Variants in MBD2 observed in about 807,000 individuals in gnomAD.
MBD2 encodes the protein methyl-CpG-binding domain protein 2.
MBD2 carries 9 observed loss-of-function variants against 39.3 expected under a neutral mutation model. That is an observed-to-expected ratio of 0.23 (90% CI 0.14 to 0.40). The LOEUF (loss-of-function observed/expected upper bound fraction) is 0.40, where lower values mean the gene tolerates loss of function less well. Ranked by LOEUF, MBD2 falls within the 10% of genes least tolerant of loss-of-function variation. The pLI is 1.00. For synonymous variants in MBD2, 233 were observed against 211.1 expected (o/e 1.10, Z -0.90); for missense variants, 458 against 532.6 (o/e 0.86, Z 1.38).
intron 1 of MBD2, among the ~76,000 whole-genome samples, chr18:54,206,910 C>T (rs1372483055): frequency 6.6e-6 from 1 of 152,170 alleles, no homozygotes; most frequent in Admixed American, 6.5e-5. Flanking sequence ...AAACTTGAAC[C>T]ATCTCTGCCC....
At position 54,154,313 on chromosome 18, in the gene MBD2, A is replaced by T. The variant is rs902284266; in HGVS notation, c.*1011T>A. Reference sequence around the variant, plus strand: ...CGAGTTTCAACAGAAAAAGAATGTTAATATTTTGGAGGCCAGGCCAGGTAC... The same window carrying T: ...CGAGTTTCAACAGAAAAAGAATGTTTATATTTTGGAGGCCAGGCCAGGTAC... On this transcript the variant is annotated 3_prime_UTR_variant, in exon 7 of 7. Transcript: ENST00000256429. 8 of 152,190 alleles carry T rather than the reference A, an allele frequency of 5.3e-5. No homozygotes were observed. Among genetic ancestry groups the T allele is most frequent in the African/African-American group, 1.9e-4 (8 of 41,454 alleles). The allele number at this position is 152,190 out of a possible 1,614,324, so 9.4% of individuals were successfully genotyped here.
At chr18:54,217,419 A>G (rs1259103514) in intron 1 of MBD2, among the ~76,000 whole-genome samples, 2 of 152,222 alleles carry the variant, frequency 1.3e-5, no homozygotes, top group African/African-American at 2.4e-5. Flanking sequence ...ACCATATTAC[A>G]AAATTTTCCT....
At chr18:54,201,532 T>G (rs1483170828) in intron 2 of MBD2, among the ~76,000 whole-genome samples, 1 of 152,102 alleles carries the variant, frequency 6.6e-6, no homozygotes, top group Admixed American at 6.6e-5. Context: ...CCACCCATCC[T>G]AAAATAATTA....
At chr18:54,182,116 C>T (rs1772989689) in intron 3 of MBD2, among the ~76,000 whole-genome samples, 1 of 151,710 alleles carries the variant, frequency 6.6e-6, no homozygotes, top group African/African-American at 2.4e-5. Flanking sequence ...CTGCAGTATC[C>T]CATTGTTTAG....
chr18:54,176,140 G>A (rs1263393728), intron 3 of MBD2, among the ~76,000 whole-genome samples: 5 of 152,186 alleles, frequency 3.3e-5, no homozygotes, highest in Admixed American at 2.0e-4. Context: ...CACAAAATTC[G>A]CACTCAGATG....
In MBD2 at chr18:54,168,231, ATT is replaced by A. The variant is rs2086150385; in HGVS notation, c.841-2067_841-2066del. Among the ~76,000 whole-genome samples, 3 of 151,812 alleles carry A rather than the reference ATT, an allele frequency of 2.0e-5. No individual in the cohort carries two copies. In the South Asian group the frequency reaches 6.2e-4, roughly 31 times the overall value. Reference sequence around the variant, plus strand: ...TTCCAATTCCAGATATTAAAAAATAATTTGTTTTATTCTATCATTTTTAATTC... The same window carrying A: ...TTCCAATTCCAGATATTAAAAAATAATGTTTTATTCTATCATTTTTAATTC... On this transcript the variant is annotated intron_variant, in intron 3 of 6. Transcript: ENST00000256429.
intron 3 of MBD2, among the ~76,000 whole-genome samples, chr18:54,181,190 C>G (rs2086249881): frequency 6.6e-6 from 1 of 152,118 alleles, no homozygotes; most frequent in Admixed American, 6.5e-5. Flanking sequence ...GCCACTGCAT[C>G]TAGCCTCATT....
rs2086117601 is a variant in MBD2 at position 54,164,606 on chromosome 18, A to G, written c.1026T>C (p.Ala342=). The G allele has an allele frequency of 6.2e-7, 1 of 1,614,094 alleles. No homozygotes were observed. The highest frequency in any genetic ancestry group is 1.3e-5 in the African/African-American group (1 of 74,926). Residue 342 remains alanine, a synonymous_variant, in exon 5 of 7, where the codon GCT becomes GCC. Coordinates refer to ENST00000256429, the MANE Select transcript of MBD2 (RefSeq NM_003927.5). ...SSAPITGQVS[A]AVEKNPAVWL... Reference sequence around the variant, plus strand: ...AAACAGCAGGGTTCTTTTCCACAGCAGCGGAGACTTGCCCTGTGATTGGCG... The same window carrying G: ...AAACAGCAGGGTTCTTTTCCACAGCGGCGGAGACTTGCCCTGTGATTGGCG...
intron 2 of MBD2, chr18:54,203,234 T>C: frequency 8.5e-7 from 1 of 1,170,550 alleles, no homozygotes; most frequent in Non-Finnish European, 1.2e-6. Context: ...AACAGTACAG[T>C]AATCTAAAAG....
intron 3 of MBD2, among the ~76,000 whole-genome samples, chr18:54,183,771 A>C (rs1411596229): frequency 6.6e-6 from 1 of 152,224 alleles, no homozygotes; most frequent in African/African-American, 2.4e-5. Flanking sequence ...TGAAGTGGAT[A>C]ATTTTTTTTA....
At chr18:54,203,017 C>A (rs768134297) in intron 2 of MBD2, 3 of 1,163,458 alleles carry the variant, frequency 2.6e-6, no homozygotes, top group Non-Finnish European at 1.3e-6. Flanking sequence ...GGGGTAAGCA[C>A]ATTCCAAGCA....
chr18:54,167,795 G>T (rs1038956323), intron 3 of MBD2, among the ~76,000 whole-genome samples: 6 of 152,058 alleles, frequency 3.9e-5, no homozygotes, highest in Admixed American at 6.5e-5. Flanking sequence ...ACAATATGAG[G>T]ATATAAATAT....
chr18:54,164,908 G>A (rs896923005), intron 4 of MBD2, among the ~76,000 whole-genome samples: 2 of 152,168 alleles, frequency 1.3e-5, no homozygotes, highest in Non-Finnish European at 2.9e-5. Flanking sequence ...CAAAATAGCT[G>A]AGCATTTTTT....
chr18:54,161,266 A>T (rs762866922), intron 5 of MBD2, among the ~76,000 whole-genome samples: 3 of 152,224 alleles, frequency 2.0e-5, no homozygotes, highest in Non-Finnish European at 2.9e-5. Flanking sequence ...CACCACAAAG[A>T]GTTAAAAGGT....
intron 1 of MBD2, among the ~76,000 whole-genome samples, chr18:54,216,328 A>G (rs1193637464): frequency 6.6e-6 from 1 of 152,206 alleles, no homozygotes; most frequent in Non-Finnish European, 1.5e-5. Flanking sequence ...TGCAGCCCCT[A>G]TAAGGGGAGT....
At chr18:54,157,061 G>A (rs774876144) in intron 6 of MBD2, among the ~76,000 whole-genome samples, 1 of 152,056 alleles carries the variant, frequency 6.6e-6, no homozygotes, top group South Asian at 2.1e-4. Context: ...CTCCAGAGAC[G>A]GTGTGGCTGC....
At chr18:54,192,266 C>G (rs1041973915) in intron 2 of MBD2, among the ~76,000 whole-genome samples, 1 of 152,206 alleles carries the variant, frequency 6.6e-6, no homozygotes, top group Admixed American at 6.5e-5. Flanking sequence ...CGGAGTCTTG[C>G]TCTATCACCA....
At chr18:54,160,976 A>G (rs550171030) in intron 5 of MBD2, among the ~76,000 whole-genome samples, 3 of 47,294 alleles carry the variant, frequency 6.3e-5, no homozygotes, top group African/African-American at 2.4e-4. Context: ...GGTTCTACTG[A>G]AAAAAAAAAA....
At chr18:54,209,339 A>AC (rs2086480884) in intron 1 of MBD2, among the ~76,000 whole-genome samples, 1 of 151,892 alleles carries the variant, frequency 6.6e-6, no homozygotes, top group South Asian at 2.1e-4. Flanking sequence ...TTTATTATAA[A>AC]CAAAAAGGCT....
Sources: gnomAD v4.1 joint callset for allele counts (sites outside exome capture counted in the v4.1 genomes callset) on GRCh38, gnomAD v4.1.1 for gene constraint, MANE v1.5 for transcripts, NCBI Gene and HGNC (gene_info 2026-07-23, HGNC 2026-07-21) for gene names.